SETD2: variants seen among roughly 807,000 people sequenced by gnomAD.
SETD2 encodes the protein histone-lysine N-methyltransferase SETD2.
In SETD2, 31 loss-of-function variants were observed where a neutral mutation model predicts 242.1. The ratio of observed to expected loss-of-function variants is 0.13; its 90% confidence interval spans 0.10 to 0.17. SETD2 has a LOEUF of 0.17. Among genes scored for constraint, SETD2 ranks in the 10% least tolerant of loss-of-function variants. The probability of loss-of-function intolerance (pLI) is 1.00; values close to 1 mark genes in which losing one functional copy is unlikely to be tolerated. For missense variants in SETD2, 2,481 were observed against 3,046.3 expected, an observed-to-expected ratio of 0.81 and a Z score of 4.37; for synonymous variants, 1,006 against 1,066.5, an observed-to-expected ratio of 0.94 and a Z score of 1.11.
intron 1 of SETD2, among the ~76,000 whole-genome samples, chr3:47,140,917 A>G (rs2043713356): frequency 6.6e-6 from 1 of 152,194 alleles, no homozygotes; most frequent in Non-Finnish European, 1.5e-5. Flanking sequence ...ACGAAGAAAG[A>G]CATGAGATAG....
At chr3:47,075,376 A>T (rs954826734) in intron 12 of SETD2, among the ~76,000 whole-genome samples, 13 of 151,336 alleles carry the variant, frequency 8.6e-5, no homozygotes, top group Non-Finnish European at 1.8e-4. Flanking sequence ...CCTGACCAAC[A>T]TGGAGAATCC....
chr3:47,049,436 G>A (rs1344662675), intron 15 of SETD2, among the ~76,000 whole-genome samples: 5 of 133,780 alleles, frequency 3.7e-5, no homozygotes, highest in African/African-American at 8.4e-5. Context: ...GCAGTGGCAC[G>A]ACCTCGGCTC....
At chr3:47,035,485 C>A (rs773434655) in intron 18 of SETD2, among the ~76,000 whole-genome samples, 9 of 152,214 alleles carry the variant, frequency 5.9e-5, no homozygotes, top group Non-Finnish European at 8.8e-5. Flanking sequence ...TTCTCAGCTC[C>A]TACTTTGTGC....
At chr3:47,111,036 A>G (rs1337414203) in intron 5 of SETD2, among the ~76,000 whole-genome samples, 13 of 125,690 alleles carry the variant, frequency 1.0e-4, no homozygotes, top group African/African-American at 3.9e-4. Context: ...CTCATCCACT[A>G]TTGTCCCTGT....
At chr3:47,078,518 C>T (rs1327750804) in intron 12 of SETD2, among the ~76,000 whole-genome samples, 10 of 125,390 alleles carry the variant, frequency 8.0e-5, no homozygotes, top group African/African-American at 3.2e-4. Flanking sequence ...AGATTCTCAG[C>T]CTTTTTTTTT....
chr3:47,112,425 G>A (rs1005022488), intron 5 of SETD2, among the ~76,000 whole-genome samples: 13 of 151,978 alleles, frequency 8.6e-5, no homozygotes, highest in Admixed American at 5.2e-4. Flanking sequence ...GGGATTATTG[G>A]TGCCTGCCAC....
At chr3:47,112,053 A>G (rs1289838915) in intron 5 of SETD2, among the ~76,000 whole-genome samples, 2 of 152,008 alleles carry the variant, frequency 1.3e-5, no homozygotes, top group African/African-American at 4.8e-5. Context: ...TGTTTCAACC[A>G]TAAACACATG....
intron 1 of SETD2, chr3:47,127,580 G>A (rs773673415): frequency 4.2e-5 from 19 of 452,224 alleles, no homozygotes; most frequent in Non-Finnish European, 7.5e-5. Flanking sequence ...ATAATTTTTA[G>A]GCCAGGTGCG....
intron 17 of SETD2, among the ~76,000 whole-genome samples, chr3:47,040,263 GC>G (rs1301605087): frequency 6.6e-6 from 1 of 152,150 alleles, no homozygotes; most frequent in Non-Finnish European, 1.5e-5. Context: ...ACAGGTGTGA[GC>G]CACTGCACCC....
intron 18 of SETD2, among the ~76,000 whole-genome samples, chr3:47,023,696 C>T (rs569508968): frequency 4.7e-4 from 71 of 151,980 alleles, no homozygotes; most frequent in Middle Eastern, 3.4e-3. Context: ...AAATAAGAAC[C>T]AATTTTAAAA....
intron 7 of SETD2, among the ~76,000 whole-genome samples, chr3:47,102,707 T>C (rs778468770): frequency 6.9e-6 from 1 of 143,960 alleles, no homozygotes; most frequent in Non-Finnish European, 1.5e-5. Context: ...GGCAGGAGAA[T>C]CGCATGAATC....
intron 12 of SETD2, among the ~76,000 whole-genome samples, chr3:47,076,176 G>T (rs988098610): frequency 6.6e-6 from 1 of 152,156 alleles, no homozygotes; most frequent in African/African-American, 2.4e-5. Flanking sequence ...GGGGGGAAAA[G>T]GAAGAAATTT....
chr3:47,035,108 C>A (rs566958085), intron 18 of SETD2, among the ~76,000 whole-genome samples: 1 of 152,334 alleles, frequency 6.6e-6, no homozygotes, highest in Admixed American at 6.5e-5. Flanking sequence ...GATCATACTT[C>A]TCTTACAGTT....
chr3:47,151,658 T>C (rs1189670398), intron 1 of SETD2, among the ~76,000 whole-genome samples: 1 of 151,950 alleles, frequency 6.6e-6, no homozygotes, highest in East Asian at 1.9e-4. Flanking sequence ...TGAAACTCCA[T>C]CTCTGCTAAA....
rs565358529 is a variant in SETD2, at chr3:47,044,229, G to A, written c.7099-1529C>T. ...GTGGTGGTGTGCACTTGTAATCCCA[G>A]CTACTCAGGAGGCTGAGGCAGGAGA... On this transcript the variant is annotated intron_variant, in intron 16 of 20. Transcript: ENST00000409792. Among the ~76,000 whole-genome samples the A allele has an allele frequency of 4.0e-5, 6 of 151,280 alleles. No homozygotes were observed. The South Asian group carries it at 1.3e-3, about 32-fold the overall frequency.
At chr3:47,144,743 G>A (rs2043813821) in intron 1 of SETD2, among the ~76,000 whole-genome samples, 1 of 152,176 alleles carries the variant, frequency 6.6e-6, no homozygotes, top group Non-Finnish European at 1.5e-5. Flanking sequence ...CGAGGCGGGT[G>A]GATCACTTGA....
At chr3:47,063,810 T>G (rs1039962173) in intron 13 of SETD2, among the ~76,000 whole-genome samples, 1 of 151,848 alleles carries the variant, frequency 6.6e-6, no homozygotes, top group African/African-American at 2.4e-5. Context: ...CAGTAAAAAC[T>G]CTCCTCTACT....
At chr3:47,081,022 T>C in intron 12 of SETD2, 1 of 986,750 alleles carries the variant, frequency 1.0e-6, no homozygotes, top group Non-Finnish European at 1.2e-6. Context: ...GGAAATGGAG[T>C]TGAGAAAAGG....
intron 12 of SETD2, among the ~76,000 whole-genome samples, chr3:47,070,606 C>T (rs1201181190): frequency 6.6e-6 from 1 of 152,184 alleles, no homozygotes; most frequent in East Asian, 1.9e-4. Context: ...CTCAGTGATA[C>T]TTGAGTCTGT....
Sources: allele counts gnomAD v4.1 joint callset (sites outside exome capture counted in the v4.1 genomes callset), GRCh38; gene constraint gnomAD v4.1.1; transcripts MANE v1.5; gene names NCBI Gene and HGNC (gene_info 2026-07-23, HGNC 2026-07-21).